The following ASTN2 variants were observed in gnomAD, a reference collection of about 807,000 sequenced individuals.
The protein encoded by ASTN2 is astrotactin 2, also known as astrotactin-2.
ASTN2 carries 54 observed loss-of-function variants against 139.8 expected under a neutral mutation model. The ratio of observed to expected loss-of-function variants is 0.39; its 90% CI spans 0.31 to 0.48. The LOEUF (loss-of-function observed/expected upper bound fraction) is 0.48. ASTN2 is among the 20% of genes least tolerant of loss of function. The pLI, the probability that ASTN2 is intolerant of heterozygous loss-of-function variation, is 0.95. For synonymous variants in ASTN2, 756 were observed against 719.5 expected, an observed-to-expected ratio of 1.05 and a Z score of -0.81; for missense variants, 1,565 against 1,725.1, an observed-to-expected ratio of 0.91 and a Z score of 1.64.
At chr9:117,160,144 T>C (rs1265081047) in intron 3 of ASTN2, among the ~76,000 whole-genome samples, 2 of 151,978 alleles carry the variant, frequency 1.3e-5, no homozygotes, top group Non-Finnish European at 2.9e-5. Context: ...TGGGAAAGTG[T>C]ACCCTGCCCA....
intron 1 of ASTN2, among the ~76,000 whole-genome samples, chr9:117,334,654 C>T (rs1054570736): frequency 2.0e-5 from 3 of 152,116 alleles, no homozygotes; most frequent in African/African-American, 7.2e-5. Context: ...CTCACTCCCT[C>T]TTCTTGGAAT....
chr9:116,671,902 C>T (rs946268068), intron 16 of ASTN2, among the ~76,000 whole-genome samples: 17 of 152,198 alleles, frequency 1.1e-4, no homozygotes, highest in African/African-American at 3.4e-4. Flanking sequence ...AACTTGATTG[C>T]AGTTTTGTAA....
At chr9:116,626,400 CATACTT>C (rs1856464478) in intron 17 of ASTN2, among the ~76,000 whole-genome samples, 2 of 151,814 alleles carry the variant, frequency 1.3e-5, no homozygotes, top group South Asian at 2.1e-4. Context: ...ATGTTATAAA[CATACTT>C]ATATTTAAAT....
intron 13 of ASTN2, among the ~76,000 whole-genome samples, chr9:116,752,226 G>C (rs1460580015): frequency 6.6e-6 from 1 of 152,152 alleles, no homozygotes; most frequent in African/African-American, 2.4e-5. Context: ...TAACGCAGAA[G>C]CAAAGGCAGT....
At chr9:117,002,638 C>T (rs1332397921) in intron 7 of ASTN2, among the ~76,000 whole-genome samples, 1 of 152,194 alleles carries the variant, frequency 6.6e-6, no homozygotes, top group African/African-American at 2.4e-5. Flanking sequence ...TTGGTATATA[C>T]AATTGTTTCA....
In ASTN2 at chr9:116,632,240, AGAAAGAAAGAAG is replaced by A. The variant is rs1564169277; in HGVS notation, c.3073-11809_3073-11798del. The stretch of plus-strand genomic sequence containing the variant: ...AAGAAAGAAAGAAAGAAAGAAAGAA[AGAAAGAAAGAAG>A]GAAAGAAAGAAAGAAAGAAAGAAAG... On this transcript the variant is annotated intron_variant, in intron 17 of 22. Transcript: ENST00000313400. Among the ~76,000 whole-genome samples, 19 of 131,736 alleles carry A rather than the reference AGAAAGAAAGAAG, an allele frequency of 1.4e-4. 1 individual carries two copies. The highest frequency in any genetic ancestry group is 4.0e-4 in the African/African-American group (12 of 29,660). 86.4% of individuals were successfully genotyped at this position (131,736 alleles called of 152,430 possible).
intron 2 of ASTN2, among the ~76,000 whole-genome samples, chr9:117,227,868 A>T (rs1033688589): frequency 1.3e-5 from 2 of 152,218 alleles, no homozygotes; most frequent in African/African-American, 4.8e-5. Context: ...GGGATGTCAG[A>T]TGCAACTCTT....
chr9:117,303,340 A>C (rs1304818663), intron 1 of ASTN2, among the ~76,000 whole-genome samples: 6 of 152,202 alleles, frequency 3.9e-5, no homozygotes, highest in Non-Finnish European at 8.8e-5. Context: ...CCAATTTCAC[A>C]GATTGGAATA....
chr9:117,165,839 A>G (rs1431140418), intron 3 of ASTN2, among the ~76,000 whole-genome samples: 1 of 152,128 alleles, frequency 6.6e-6, no homozygotes, highest in East Asian at 1.9e-4. Context: ...TGGTGAAATG[A>G]GGAACTAAAT....
At chr9:116,562,973 C>T (rs1389456085) in intron 19 of ASTN2, among the ~76,000 whole-genome samples, 1 of 152,078 alleles carries the variant, frequency 6.6e-6, no homozygotes, top group African/African-American at 2.4e-5. Context: ...AAGCCTTGCC[C>T]TCATGGAACT....
rs1235290610 is a variant in ASTN2, at chr9:116,523,989, G to A, written c.3356-36489C>T. Among the ~76,000 whole-genome samples, 5 of 152,300 alleles carry A rather than the reference G, an allele frequency of 3.3e-5. No homozygotes were observed. The South Asian group carries it at 8.3e-4, about 25-fold the overall frequency. The stretch of plus-strand genomic sequence containing the variant: ...CAGTGCTGGGTGAATTTTTAGCAAG[G>A]AGAGAAAGGCCATTTTTTTTCCTCT... On this transcript the variant is annotated intron_variant, in intron 19 of 22. Coordinates refer to ENST00000313400, the MANE Select transcript of ASTN2 (RefSeq NM_001365068.1).
chr9:116,833,501 T>G (rs1831883073), intron 11 of ASTN2, among the ~76,000 whole-genome samples: 1 of 152,054 alleles, frequency 6.6e-6, no homozygotes, highest in African/African-American at 2.4e-5. Flanking sequence ...TCCTCTTTTC[T>G]AATGTATGCA....
chr9:116,970,233 A>G (rs1433899228), intron 10 of ASTN2, among the ~76,000 whole-genome samples: 1 of 152,148 alleles, frequency 6.6e-6, no homozygotes, highest in Non-Finnish European at 1.5e-5. Context: ...AAATAACATA[A>G]TATTTATAGG....
At chr9:116,675,455 T>A (rs1859447708) in intron 16 of ASTN2, among the ~76,000 whole-genome samples, 2 of 151,972 alleles carry the variant, frequency 1.3e-5, no homozygotes, top group South Asian at 4.2e-4. Flanking sequence ...CATTGCGGGG[T>A]GTCTGTTTGG....
At chr9:117,025,364 T>C (rs751421131) in intron 6 of ASTN2, among the ~76,000 whole-genome samples, 240 of 152,258 alleles carry the variant, frequency 1.6e-3, no homozygotes, top group Non-Finnish European at 2.1e-3. Context: ...CCCCCCCTTT[T>C]GGGGTAGCAG....
chr9:117,231,355 T>C lies in ASTN2; in HGVS notation c.631-16613A>G, dbSNP rs540841806. ...ATCCCTGACTAGTCCTTCTTATTTG[T>C]GTATGCCAATGTAGCTTCTTGGTTA... On this transcript the variant is annotated intron_variant, in intron 2 of 22. Coordinates refer to ENST00000313400, the MANE Select transcript of ASTN2 (RefSeq NM_001365068.1). 6.2e-4 allele frequency among the ~76,000 whole-genome samples: 95 copies of C among 152,338 alleles called. 1 individual carries two copies. Among genetic ancestry groups the C allele is most frequent in the African/African-American group, 2.2e-3 (90 of 41,588 alleles).
intron 19 of ASTN2, among the ~76,000 whole-genome samples, chr9:116,523,672 T>C (rs940090460): frequency 6.6e-6 from 1 of 152,066 alleles, no homozygotes; most frequent in Non-Finnish European, 1.5e-5. Flanking sequence ...ATATGAGGCA[T>C]GGGGCAAAGA....
chr9:117,029,079 C>T (rs1838177256), intron 6 of ASTN2, among the ~76,000 whole-genome samples: 1 of 152,154 alleles, frequency 6.6e-6, no homozygotes, highest in South Asian at 2.1e-4. Context: ...TCTGTTCAAC[C>T]TCTTCCCACC....
intron 12 of ASTN2, among the ~76,000 whole-genome samples, chr9:116,813,175 A>G (rs1422359690): frequency 6.6e-6 from 1 of 152,218 alleles, no homozygotes; most frequent in African/African-American, 2.4e-5. Flanking sequence ...ATGTGCCAAA[A>G]TGAAAAATAT....
Sources: gnomAD v4.1 joint callset for allele counts (sites outside exome capture counted in the v4.1 genomes callset) on GRCh38, gnomAD v4.1.1 for gene constraint, MANE v1.5 for transcripts, NCBI Gene and HGNC (gene_info 2026-07-23, HGNC 2026-07-21) for gene names.